CCDC93: variants seen among roughly 807,000 people sequenced by gnomAD.
The protein encoded by CCDC93 is CCC complex scaffolding subunit CCDC93.
CCDC93 carries 61 observed loss-of-function variants against 108.2 expected under a neutral mutation model. That is an observed-to-expected ratio of 0.56 (90% confidence interval 0.46 to 0.70). The LOEUF (loss-of-function observed/expected upper bound fraction) is 0.70, where lower values mean the gene tolerates loss of function less well. Ranked by LOEUF, CCDC93 falls within the 30% of genes least tolerant of loss-of-function variation. The probability of loss-of-function intolerance (pLI) is 0.00; values close to 1 mark genes in which losing one functional copy is unlikely to be tolerated. For synonymous variants in CCDC93, 276 were observed against 260.4 expected, an observed-to-expected ratio of 1.06 and a Z score of -0.58; for missense variants, 685 against 764.2, an observed-to-expected ratio of 0.90 and a Z score of 1.22.
At chr2:117,957,583 C>G (rs1679259537) in intron 12 of CCDC93, among the ~76,000 whole-genome samples, 1 of 152,164 alleles carries the variant, frequency 6.6e-6, no homozygotes, top group Non-Finnish European at 1.5e-5. Flanking sequence ...CTGATCATGC[C>G]ACTCCCCTAT....
intron 23 of CCDC93, among the ~76,000 whole-genome samples, chr2:117,922,411 C>A (rs1306258277): frequency 2.0e-5 from 3 of 152,138 alleles, no homozygotes; most frequent in Non-Finnish European, 1.5e-5. Context: ...TCTATCCATG[C>A]CCACTAGGTG....
chr2:117,939,153 T>A, intron 19 of CCDC93, 42 bp from the exon 20 acceptor site: 5 of 1,232,718 alleles, frequency 4.1e-6, no homozygotes, highest in Non-Finnish European at 6.0e-6. Context: ...AGAACAGGTA[T>A]CAGAACACCC....
intron 23 of CCDC93, among the ~76,000 whole-genome samples, chr2:117,926,541 C>A (rs1464669351): frequency 6.6e-6 from 1 of 152,152 alleles, no homozygotes; most frequent in East Asian, 1.9e-4. Flanking sequence ...AATTCCTGGA[C>A]ACATACACCC....
Position 117,944,072 on chromosome 2 carries a change from T to G in CCDC93, c.1365A>C (p.Arg455Ser). The change falls in exon 18 of 24, where the codon AGA becomes AGC. Residue 455 changes from arginine (R) to serine (S), a missense_variant. Arg to Ser is a moderately radical substitution (Grantham distance 110, BLOSUM62 -1). Transcript: ENST00000376300. ...SAMTHDEDLD[R>S]RYNMEKEKLY... ...GTTTCTCTTTCTCCATATTATACCG[T>G]CTGTCTAGGTCTTCCTAAAAATTGG... 6.3e-7 allele frequency: 1 copy of G among 1,599,460 alleles called. No homozygotes were observed. The highest frequency in any genetic ancestry group is 8.5e-7 in the Non-Finnish European group (1 of 1,174,858).
chr2:117,948,982 T>C (rs1221749776), intron 14 of CCDC93, among the ~76,000 whole-genome samples: 1 of 152,186 alleles, frequency 6.6e-6, no homozygotes, highest in East Asian at 1.9e-4. Flanking sequence ...GGGAAGAGAA[T>C]TGGGTGGCTG....
At chr2:117,993,167 T>C (rs1680531569) in intron 6 of CCDC93, among the ~76,000 whole-genome samples, 2 of 151,930 alleles carry the variant, frequency 1.3e-5, no homozygotes, top group Non-Finnish European at 2.9e-5. Context: ...GAGGCCGAGG[T>C]GGGCGGACCT....
intron 11 of CCDC93, among the ~76,000 whole-genome samples, chr2:117,972,423 G>A (rs1005474791): frequency 6.6e-6 from 1 of 152,180 alleles, no homozygotes; most frequent in Non-Finnish European, 1.5e-5. Context: ...AGAAGGAGAC[G>A]TGTAAAATGC....
chr2:117,977,920 G>A, intron 8 of CCDC93, 74 bp downstream of exon 8: 1 of 1,382,282 alleles, frequency 7.2e-7, no homozygotes, highest in South Asian at 1.2e-5. Flanking sequence ...CCCGGCTTGT[G>A]AGTGTTAGTC....
intron 20 of CCDC93, among the ~76,000 whole-genome samples, chr2:117,938,306 TG>T (rs1319507925): frequency 6.6e-6 from 1 of 152,214 alleles, no homozygotes; most frequent in African/African-American, 2.4e-5. Context: ...AGACCAGGAC[TG>T]TTCTCTTTTT....
chr2:118,000,714 C>T (rs1680818795), intron 4 of CCDC93, 107 bp downstream of exon 4: 2 of 678,492 alleles, frequency 2.9e-6, no homozygotes, highest in Non-Finnish European at 5.2e-6. Flanking sequence ...CTAAGCCACA[C>T]CCATTACATT....
chr2:117,930,748 T>C (rs999729735), intron 23 of CCDC93: 2 of 232,708 alleles, frequency 8.6e-6, no homozygotes, highest in East Asian at 9.5e-5. Flanking sequence ...AAGTGGCCCT[T>C]GATACGGACT....
At chr2:118,013,221 T>A (rs750305548) in intron 1 of CCDC93, among the ~76,000 whole-genome samples, 2 of 152,238 alleles carry the variant, frequency 1.3e-5, no homozygotes, top group Non-Finnish European at 1.5e-5. Context: ...ACCCCCTCCC[T>A]AGCACTAAGT....
chr2:118,004,657 T>C (rs1209100026), intron 3 of CCDC93, among the ~76,000 whole-genome samples: 1 of 152,202 alleles, frequency 6.6e-6, no homozygotes, highest in East Asian at 1.9e-4. Flanking sequence ...CTCAGTACCC[T>C]GTGGCTGTAA....
At chr2:117,922,052 G>C (rs1326251032) in intron 23 of CCDC93, among the ~76,000 whole-genome samples, 1 of 152,048 alleles carries the variant, frequency 6.6e-6, no homozygotes, top group Non-Finnish European at 1.5e-5. Flanking sequence ...CAAGAACAGA[G>C]AGCTACACTA....
intron 7 of CCDC93, among the ~76,000 whole-genome samples, chr2:117,985,186 T>C (rs1680277750): frequency 6.6e-6 from 1 of 151,764 alleles, no homozygotes; most frequent in Admixed American, 6.6e-5. Flanking sequence ...CAATTCCATT[T>C]GGAAACTAGA....
At chr2:117,963,376 A>G (rs1679456051) in intron 11 of CCDC93, among the ~76,000 whole-genome samples, 1 of 152,188 alleles carries the variant, frequency 6.6e-6, no homozygotes, top group African/African-American at 2.4e-5. Flanking sequence ...TGTCCTTTCT[A>G]TAACAAGATG....
At chr2:117,922,889 TCAC>T (rs1362104366) in intron 23 of CCDC93, among the ~76,000 whole-genome samples, 2 of 152,058 alleles carry the variant, frequency 1.3e-5, no homozygotes, top group Non-Finnish European at 2.9e-5. Flanking sequence ...GTCCCTATCG[TCAC>T]CTCCTCCTCA....
At chr2:117,979,716 G>A (rs578003994) in intron 7 of CCDC93, among the ~76,000 whole-genome samples, 1 of 152,306 alleles carries the variant, frequency 6.6e-6, no homozygotes, top group Non-Finnish European at 1.5e-5. Flanking sequence ...TAGGTCCAAA[G>A]TGTAGCAGAC....
At chr2:118,009,994 G>A (rs928227346) in intron 1 of CCDC93, among the ~76,000 whole-genome samples, 5 of 151,764 alleles carry the variant, frequency 3.3e-5, no homozygotes, top group Admixed American at 2.6e-4. Context: ...GCGCAATCTC[G>A]GCTCACTGTA....
Sources: allele counts gnomAD v4.1 joint callset (sites outside exome capture counted in the v4.1 genomes callset), GRCh38; gene constraint gnomAD v4.1.1; transcripts MANE v1.5; gene names NCBI Gene and HGNC (gene_info 2026-07-23, HGNC 2026-07-21).